SAMMSON: variants seen among roughly 807,000 people sequenced by gnomAD.
SAMMSON encodes the protein survival associated mitochondrial melanoma specific oncogenic non-coding RNA.
At chr3:70,160,055 A>G (rs910086261) in intron 4 of SAMMSON, among the ~76,000 whole-genome samples, 2 of 152,028 alleles carry the variant, frequency 1.3e-5, no homozygotes, top group Non-Finnish European at 2.9e-5. Context: ...TCTTTGTTAG[A>G]CACATATTTT....
intron 4 of SAMMSON, among the ~76,000 whole-genome samples, chr3:70,117,504 A>T (rs2067416297): frequency 6.6e-6 from 1 of 152,242 alleles, no homozygotes; most frequent in African/African-American, 2.4e-5. Flanking sequence ...GAGAGAAATG[A>T]ATCATCAATT....
chr3:70,368,458 T>A (rs898792933), intron 9 of SAMMSON, among the ~76,000 whole-genome samples: 1 of 151,680 alleles, frequency 6.6e-6, no homozygotes, highest in African/African-American at 2.4e-5. Flanking sequence ...TAGATGGTCT[T>A]TATTTGCCAT....
chr3:70,429,347 G>A (rs754569768), intron 2 of SAMMSON, among the ~76,000 whole-genome samples: 12 of 152,018 alleles, frequency 7.9e-5, no homozygotes, highest in Non-Finnish European at 1.0e-4. Context: ...GTACCAGTAC[G>A]ATGTGGTTTT....
chr3:70,138,389 C>A (rs1323001658), intron 4 of SAMMSON, among the ~76,000 whole-genome samples: 1 of 152,168 alleles, frequency 6.6e-6, no homozygotes, highest in Non-Finnish European at 1.5e-5. Flanking sequence ...CAGAGACCCA[C>A]TTCCTAGGTG....
At chr3:70,025,578 C>A (rs1256987487) in intron 3 of SAMMSON, among the ~76,000 whole-genome samples, 1 of 152,100 alleles carries the variant, frequency 6.6e-6, no homozygotes, top group Non-Finnish European at 1.5e-5. Flanking sequence ...CCACCTTAAA[C>A]CATAAATCCT....
intron 3 of SAMMSON, among the ~76,000 whole-genome samples, chr3:70,041,245 C>G (rs1397581520): frequency 6.6e-6 from 1 of 151,922 alleles, no homozygotes; most frequent in African/African-American, 2.4e-5. Context: ...TCCTAGGCCT[C>G]GTATTATCCA....
intron 4 of SAMMSON, among the ~76,000 whole-genome samples, chr3:70,184,822 C>T (rs1180418340): frequency 6.6e-6 from 1 of 152,184 alleles, no homozygotes; most frequent in Non-Finnish European, 1.5e-5. Context: ...TACCTCTCAG[C>T]ACACCACATT....
intron 7 of SAMMSON, among the ~76,000 whole-genome samples, chr3:70,340,399 A>ATAT (rs61631789): frequency 0.087 from 13,142 of 151,016 alleles, 799 homozygotes; most frequent in East Asian, 0.28. Context: ...TATATATATA[A>ATAT]AAAAAGCAGG....
chr3:70,179,062 A>G (rs1701031151), intron 4 of SAMMSON, among the ~76,000 whole-genome samples: 1 of 152,084 alleles, frequency 6.6e-6, no homozygotes. Flanking sequence ...TTCATTTTAT[A>G]TTTTTGCCTC....
intron 6 of SAMMSON, among the ~76,000 whole-genome samples, chr3:70,275,627 G>A (rs1384765179): frequency 1.3e-5 from 2 of 152,154 alleles, no homozygotes; most frequent in Admixed American, 1.3e-4. Flanking sequence ...CTGTGACCTG[G>A]GCAAGTCATT....
At chr3:70,363,860 T>C (rs1455935866) in intron 9 of SAMMSON, among the ~76,000 whole-genome samples, 2 of 151,604 alleles carry the variant, frequency 1.3e-5, no homozygotes, top group African/African-American at 4.8e-5. Context: ...ATTATCTGTT[T>C]ATGACGTTTT....
chr3:70,207,633 C>G (rs1701305150), intron 4 of SAMMSON, among the ~76,000 whole-genome samples: 1 of 145,222 alleles, frequency 6.9e-6, no homozygotes, highest in Non-Finnish European at 1.5e-5. Context: ...TCAGAAAAAG[C>G]TCCCCAAATA....
intron 9 of SAMMSON, among the ~76,000 whole-genome samples, chr3:70,373,016 A>C (rs1702984233): frequency 6.6e-6 from 1 of 152,188 alleles, no homozygotes; most frequent in Non-Finnish European, 1.5e-5. Flanking sequence ...TTTTATTTCA[A>C]CTGTCAAACA....
intron 6 of SAMMSON, among the ~76,000 whole-genome samples, chr3:70,289,599 G>T (rs1343438883): frequency 1.3e-5 from 2 of 149,376 alleles, no homozygotes; most frequent in East Asian, 2.0e-4. Context: ...GAATCTGAAC[G>T]TTGGCCTGCC....
At chr3:70,354,707 G>A (rs371217459) in intron 8 of SAMMSON, among the ~76,000 whole-genome samples, 8 of 152,290 alleles carry the variant, frequency 5.3e-5, no homozygotes, top group African/African-American at 1.9e-4. Context: ...GCCTGAGCAT[G>A]GCAGGAAGGC....
At chr3:70,152,674 A>G (rs1304414914) in intron 4 of SAMMSON, among the ~76,000 whole-genome samples, 1 of 152,014 alleles carries the variant, frequency 6.6e-6, no homozygotes, top group Admixed American at 6.6e-5. Flanking sequence ...TTCTTAGTCA[A>G]TGAGCTTTGG....
chr3:70,218,071 A>G (rs1228016940), intron 4 of SAMMSON, among the ~76,000 whole-genome samples: 1 of 152,132 alleles, frequency 6.6e-6, no homozygotes, highest in African/African-American at 2.4e-5. Context: ...TGTGTGCCCA[A>G]TGAACTATGG....
chr3:70,037,914 A>G (rs2067092206), intron 3 of SAMMSON, among the ~76,000 whole-genome samples: 1 of 152,186 alleles, frequency 6.6e-6, no homozygotes, highest in African/African-American at 2.4e-5. Context: ...AAAGATTTGA[A>G]TGCCATACTA....
At chr3:70,385,257 G>A (rs145536780) in intron 9 of SAMMSON, among the ~76,000 whole-genome samples, 7 of 152,146 alleles carry the variant, frequency 4.6e-5, no homozygotes, top group African/African-American at 1.7e-4. Flanking sequence ...AGAGAAAAAT[G>A]TTCTTATGAT....
Sources: gnomAD v4.1 joint callset for allele counts (sites outside exome capture counted in the v4.1 genomes callset) on GRCh38, gnomAD v4.1.1 for gene constraint, MANE v1.5 for transcripts, NCBI Gene and HGNC (gene_info 2026-07-23, HGNC 2026-07-21) for gene names.